The following SHC2 variants were observed in gnomAD, a reference collection of about 807,000 sequenced individuals.
SHC2 encodes SHC-transforming protein 2.
In SHC2, 62 loss-of-function variants were observed where a neutral mutation model predicts 60.6. That is an observed-to-expected ratio of 1.02 (90% CI 0.83 to 1.26). The LOEUF (loss-of-function observed/expected upper bound fraction) is 1.26, where lower values mean the gene tolerates loss of function less well. Among genes scored for constraint, SHC2 ranks in the 50% most tolerant of loss-of-function variants. SHC2 has a pLI of 0.00. For synonymous variants in SHC2, 375 were observed against 372.4 expected, an observed-to-expected ratio of 1.01 and a Z score of -0.08; for missense variants, 873 against 822.2, an observed-to-expected ratio of 1.06 and a Z score of -0.76.
chr19:458,949 G>A (rs1975465497), intron 1 of SHC2, among the ~76,000 whole-genome samples: 1 of 152,052 alleles, frequency 6.6e-6, no homozygotes, highest in African/African-American at 2.4e-5. Flanking sequence ...CCAGCTTCTG[G>A]GGGCTCCCAC....
rs562972295 is a variant in SHC2, at chr19:437,320, A to G, written c.721-637T>C. On this transcript the variant is annotated intron_variant, in intron 4 of 12. Transcript: ENST00000264554. ...CGTGCTCGTCTGTGTGCTCATCTGC[A>G]TGCTCATCTGCGTGCTTGTTTGCAT... 7.8e-3 allele frequency among the ~76,000 whole-genome samples: 1,163 copies of G among 149,406 alleles called. 8 individuals carry two copies. The highest frequency in any genetic ancestry group is 0.016 in the African/African-American group (654 of 40,360).
chr19:448,063 C>T lies in SHC2; in HGVS notation c.469-7131G>A, dbSNP rs374185044. 1.1e-4 allele frequency among the ~76,000 whole-genome samples: 17 copies of T among 152,348 alleles called. No homozygotes were observed. In the East Asian group the frequency reaches 1.9e-3, roughly 17 times the overall value. On this transcript the variant is annotated intron_variant, in intron 1 of 12. Transcript: ENST00000264554. Reference sequence around the variant, plus strand: ...CCGCAGGCAGCGCTTGGGCTGGAAACGTGCACGGCCTGGCCTGCGAGTGGC... The same window carrying T: ...CCGCAGGCAGCGCTTGGGCTGGAAATGTGCACGGCCTGGCCTGCGAGTGGC...
chr19:434,316 C>CTG (rs1974653406), intron 8 of SHC2, among the ~76,000 whole-genome samples: 1 of 6,036 alleles, frequency 1.7e-4, no homozygotes, highest in African/African-American at 6.7e-4. Flanking sequence ...GAGATCGTGA[C>CTG]TGAGATCATG....
intron 4 of SHC2, among the ~76,000 whole-genome samples, chr19:437,426 C>T (rs1001330810): frequency 6.6e-6 from 1 of 152,002 alleles, no homozygotes; most frequent in Non-Finnish European, 1.5e-5. Context: ...CATTTGCTTC[C>T]CGTCACTCAA....
rs1974357045 is a variant in SHC2, at chr19:424,417, G to C, written c.1309+680C>G. Among the ~76,000 whole-genome samples, 1 of 151,998 alleles carries C rather than the reference G, an allele frequency of 6.6e-6. No individual in the cohort carries two copies. On this transcript the variant is annotated intron_variant, in intron 10 of 12. Transcript: ENST00000264554. This position sits in a 1 kb window ranked among gnomAD's most constrained non-coding sequence, Gnocchi z 4.5. ...CCGTAGGAAGAATCCTCAGACCCCG[G>C]AGTCACGTGAAGAGAAAACTCATCA...
chr19:434,621 C>A, intron 8 of SHC2, 88 bp downstream of exon 8: 1 of 1,175,242 alleles, frequency 8.5e-7, no homozygotes, highest in South Asian at 1.6e-5. Context: ...TCGAGGAGAA[C>A]AGGAGCAGAA....
At chr19:421,116 G>A (rs1026199914) in intron 11 of SHC2, among the ~76,000 whole-genome samples, 3 of 131,256 alleles carry the variant, frequency 2.3e-5, no homozygotes, top group Admixed American at 7.8e-5. Flanking sequence ...TAAGAAAGAA[G>A]GGCCGGGCGC....
chr19:444,174 G>A (rs1432125617), intron 1 of SHC2, among the ~76,000 whole-genome samples: 2 of 152,096 alleles, frequency 1.3e-5, no homozygotes, highest in African/African-American at 4.8e-5. Flanking sequence ...ATGGGTGGGT[G>A]GATGAGTAGA....
chr19:454,990 C>A (rs1032505301), intron 1 of SHC2, among the ~76,000 whole-genome samples: 1 of 152,230 alleles, frequency 6.6e-6, no homozygotes, highest in East Asian at 1.9e-4. Flanking sequence ...TCTCTCTGTG[C>A]CCTCACTCAG....
chr19:442,439 GTGGATGGATGGA>G (rs1256571124), intron 1 of SHC2, among the ~76,000 whole-genome samples: 7 of 130,760 alleles, frequency 5.4e-5, no homozygotes, highest in African/African-American at 2.0e-4. Context: ...GGATGGGCGG[GTGGATGGATGGA>G]TGGATGAATG....
chr19:423,560 C>A lies in SHC2; in HGVS notation c.1310-1104G>T, dbSNP rs1267546007. Among the ~76,000 whole-genome samples the A allele has an allele frequency of 7.1e-5, 4 of 56,484 alleles. No individual in the cohort carries two copies. In the African/African-American group the frequency reaches 1.0e-3, roughly 14 times the overall value. 37.1% of individuals were successfully genotyped at this position (56,484 alleles called of 152,430 possible). Reference sequence around the variant, plus strand: ...TCCTGGTCCTGGGGGGTCCTCCCCCCCTGACCCTCACTCCCTGGTCTCCCG... The same window carrying A: ...TCCTGGTCCTGGGGGGTCCTCCCCCACTGACCCTCACTCCCTGGTCTCCCG... On this transcript the variant is annotated intron_variant, in intron 10 of 12. Coordinates refer to ENST00000264554, the MANE Select transcript of SHC2 (RefSeq NM_012435.3).
chr19:444,052 G>A (rs866653293), intron 1 of SHC2, among the ~76,000 whole-genome samples: 1,680 of 147,122 alleles, frequency 0.011, 22 homozygotes, highest in South Asian at 0.074. Flanking sequence ...TGGACGGATG[G>A]ATGGATGGGT....
rs372921466 is a variant in SHC2 at position 453,018 on chromosome 19, T to C, written c.468+7511A>G. 2.6e-5 allele frequency: 4 copies of C among 152,274 alleles called. No homozygotes were observed. Among genetic ancestry groups the C allele is most frequent in the African/African-American group, 7.2e-5 (3 of 41,468 alleles). 9.4% of individuals were successfully genotyped at this position (152,274 alleles called of 1,614,324 possible). On this transcript the variant is annotated intron_variant, in intron 1 of 12. Coordinates refer to ENST00000264554, the MANE Select transcript of SHC2 (RefSeq NM_012435.3). This position sits in a 1 kb window ranked among gnomAD's most constrained non-coding sequence, Gnocchi z 6.3. ...AAGAGCTCCAGGAAGGGATGACCTC[T>C]GCTCCCAGTGGACGTGGCCGGGTCC...
intron 10 of SHC2, among the ~76,000 whole-genome samples, chr19:423,845 C>T (rs1351628813): frequency 1.3e-5 from 2 of 152,214 alleles, no homozygotes; most frequent in African/African-American, 4.8e-5. Flanking sequence ...CTTCCTCAAC[C>T]GGGGCTGCCT....
chr19:439,003 G>A lies in SHC2; in HGVS notation c.567C>T (p.Ala189=), dbSNP rs375739618. 109 of 1,599,584 alleles carry A rather than the reference G, an allele frequency of 6.8e-5. No homozygotes were observed. Among genetic ancestry groups the A allele is most frequent in the African/African-American group, 4.3e-4 (32 of 74,570 alleles). The change falls in exon 3 of 13, where the codon GCC becomes GCT. Residue 189 remains alanine, a synonymous_variant. Coordinates refer to ENST00000264554, the MANE Select transcript of SHC2 (RefSeq NM_012435.3). ...TREAINRLHE[A]VPGVRGSWKK... is the part of the protein sequence containing the mutation. ...TCCAGGATCCCCGGACGCCAGGCAC[G>A]GCCTCATGGAGCCGGTTGATGGCTT... is the stretch of plus-strand genomic sequence containing the variant.
In SHC2 at chr19:425,746, G is replaced by C. The variant is rs576518791; in HGVS notation, c.1175-515C>G. On this transcript the variant is annotated intron_variant, in intron 9 of 12. Transcript: ENST00000264554. This position sits in a 1 kb window ranked among gnomAD's most constrained non-coding sequence, Gnocchi z 4.1. ...TTTGAACGTGTAAAGTGTTTACATG[G>C]GGCCGGGCGTGGTGGCTCACGCCTG... is the stretch of plus-strand genomic sequence containing the variant. 6.6e-6 allele frequency among the ~76,000 whole-genome samples: 1 copy of C among 151,990 alleles called. No individual in the cohort carries two copies. The highest frequency in any genetic ancestry group is 1.5e-5 in the Non-Finnish European group (1 of 67,996).
intron 7 of SHC2, 139 bp downstream of exon 7, chr19:436,026 T>G: frequency 1.2e-5 from 11 of 901,226 alleles, no homozygotes; most frequent in Non-Finnish European, 1.7e-5. Context: ...ATCCTCTGGC[T>G]GAGCCATATT....
Position 441,221 on chromosome 19 carries a change from C to G in SHC2, c.469-289G>C. On this transcript the variant is annotated intron_variant, in intron 1 of 12. Transcript: ENST00000264554. This position sits in a 1 kb window ranked among gnomAD's most constrained non-coding sequence, Gnocchi z 4.9. ...TGCTTGTTCATTTAACCGTCTTGCC[C>G]TCGTCGGTCTCTTTCTGTTCCACCA... 1 of 952,064 alleles carries G rather than the reference C, an allele frequency of 1.1e-6. No homozygotes were observed. Among genetic ancestry groups the G allele is most frequent in the Non-Finnish European group, 1.2e-6 (1 of 801,372 alleles). The allele number at this position is 952,064 out of a possible 1,614,324, so 59.0% of individuals were successfully genotyped here.
intron 12 of SHC2, among the ~76,000 whole-genome samples, chr19:418,389 G>A (rs1018505173): frequency 7.9e-5 from 12 of 152,246 alleles, no homozygotes; most frequent in Non-Finnish European, 1.5e-4. Context: ...ATCCACCCAC[G>A]GGCAGTGACG....
Sources: gnomAD v4.1 joint callset for allele counts (sites outside exome capture counted in the v4.1 genomes callset) on GRCh38, gnomAD v4.1.1 for gene constraint, Gnocchi (gnomAD v3.1) non-coding constraint, MANE v1.5 for transcripts, NCBI Gene and HGNC (gene_info 2026-07-23, HGNC 2026-07-21) for gene names.